The following ZNF823 variants were observed in gnomAD, a reference collection of about 807,000 sequenced individuals.
The protein encoded by ZNF823 is zinc finger protein 823, also known as ZFP 36 for a zinc finger protein.
In ZNF823, 5 loss-of-function variants were observed where a neutral mutation model predicts 11.4. That is an observed-to-expected ratio of 0.44 (90% CI 0.23 to 0.92). The LOEUF (loss-of-function observed/expected upper bound fraction) is 0.92. Ranked by LOEUF, ZNF823 falls within the 40% of genes least tolerant of loss-of-function variation. The pLI, the probability that ZNF823 is intolerant of heterozygous loss-of-function variation, is 0.24. For synonymous variants in ZNF823, 234 were observed against 250.5 expected, an observed-to-expected ratio of 0.93 and a Z score of 0.62; for missense variants, 582 against 738.5, an observed-to-expected ratio of 0.79 and a Z score of 2.46.
chr19:11,738,474 G>A (rs1026109307), intron 1 of ZNF823, among the ~76,000 whole-genome samples: 1 of 152,264 alleles, frequency 6.6e-6, no homozygotes, highest in African/African-American at 2.4e-5. Context: ...TTCTGCTGCA[G>A]CCTTCGGCGT....
At chr19:11,735,839 A>G (rs1035963559) in intron 1 of ZNF823, among the ~76,000 whole-genome samples, 11 of 152,224 alleles carry the variant, frequency 7.2e-5, no homozygotes, top group Admixed American at 1.3e-4. Context: ...TCTATATTTT[A>G]TAGCTTAATA....
intron 1 of ZNF823, among the ~76,000 whole-genome samples, chr19:11,731,851 A>G (rs1343935834): frequency 6.6e-6 from 1 of 151,900 alleles, no homozygotes; most frequent in East Asian, 1.9e-4. Context: ...CTCTACTAAA[A>G]ATGCAAAATT....
Position 11,722,281 on chromosome 19 carries a change from C to T in ZNF823, c.1253G>A (p.Cys418Tyr), listed in dbSNP as rs766675187. The change falls in exon 4 of 4, where the codon TGT becomes TAT. Residue 418 changes from cysteine (C) to tyrosine (Y), a missense_variant. By Grantham distance (194) the Cys-to-Tyr change is radical. Coordinates refer to ENST00000341191, the MANE Select transcript of ZNF823 (RefSeq NM_001080493.4). The surrounding 1 kb of genome is among the most constrained non-coding windows in gnomAD (Gnocchi z 5.2). ...ACTGAAGGCTTTACCACATTGTTTACATTGATAGGGTTTCTCTCCAGTGTG... is the reference window on the plus strand; with the variant it reads ...ACTGAAGGCTTTACCACATTGTTTATATTGATAGGGTTTCTCTCCAGTGTG... ...RTHTGEKPYQ[C>Y]KQCGKAFSLA... The T allele has an allele frequency of 1.5e-5, 24 of 1,614,008 alleles. No homozygotes were observed. The highest frequency in any genetic ancestry group is 1.7e-6 in the Non-Finnish European group (2 of 1,179,996).
chr19:11,723,216 G>C lies in ZNF823; in HGVS notation c.318C>G (p.Val106=). Reference sequence around the variant, plus strand: ...AATTAAGAGACGAATGACCCAAGACGACTTCTCCACACTCACCACTGTCAC... The same window carrying C: ...AATTAAGAGACGAATGACCCAAGACCACTTCTCCACACTCACCACTGTCAC... ...NPCDSGECGE[V]VLGHSSLNCN... is the part of the protein sequence containing the mutation. Residue 106 remains valine, a synonymous_variant, in exon 4 of 4, where the codon GTC becomes GTG. Coordinates refer to ENST00000341191, the MANE Select transcript of ZNF823 (RefSeq NM_001080493.4). 6.2e-7 allele frequency: 1 copy of C among 1,614,092 alleles called. No individual in the cohort carries two copies. Among genetic ancestry groups the C allele is most frequent in the Non-Finnish European group, 8.5e-7 (1 of 1,180,000 alleles).
chr19:11,729,705 C>T (rs1322440724), intron 1 of ZNF823, among the ~76,000 whole-genome samples: 5 of 152,096 alleles, frequency 3.3e-5, no homozygotes, highest in Admixed American at 1.3e-4. Flanking sequence ...CAGTGGCTAT[C>T]TTGGTAGTAA....
chr19:11,738,886 TG>T lies in ZNF823; in HGVS notation c.-68del, dbSNP rs1975046067. The T allele has an allele frequency of 1.3e-6, 2 of 1,572,414 alleles. No homozygotes were observed. Among genetic ancestry groups the T allele is most frequent in the South Asian group, 2.3e-5 (2 of 85,712 alleles). On this transcript the variant is annotated 5_prime_UTR_variant, in exon 1 of 4. Transcript: ENST00000341191. ...GTGTGGGTCCCAGCGCGACAGACGC[TG>T]ATACAGACCTTCCAGGGCGTCTCTC... is the stretch of plus-strand genomic sequence containing the variant.
chr19:11,726,798 A>G (rs1291595508), intron 1 of ZNF823, among the ~76,000 whole-genome samples: 1 of 152,240 alleles, frequency 6.6e-6, no homozygotes, highest in African/African-American at 2.4e-5. Flanking sequence ...AACCAGACTA[A>G]GACAGTTATG....
chr19:11,731,292 A>G (rs1974889871), intron 1 of ZNF823, among the ~76,000 whole-genome samples: 1 of 152,124 alleles, frequency 6.6e-6, no homozygotes, highest in African/African-American at 2.4e-5. Flanking sequence ...AGCCTGGGCA[A>G]TAACAAGAGC....
At chr19:11,723,928 C>T (rs968775994) in intron 3 of ZNF823, among the ~76,000 whole-genome samples, 4 of 151,998 alleles carry the variant, frequency 2.6e-5, no homozygotes, top group African/African-American at 7.3e-5. Context: ...ATATGTTCCT[C>T]GGGAAAATTT....
At chr19:11,730,087 C>A (rs1238542137) in intron 1 of ZNF823, among the ~76,000 whole-genome samples, 3 of 152,072 alleles carry the variant, frequency 2.0e-5, no homozygotes, top group Non-Finnish European at 4.4e-5. Context: ...TGCCATCATG[C>A]CCAGCTAATT....
chr19:11,732,220 A>C (rs1217574606), intron 1 of ZNF823, among the ~76,000 whole-genome samples: 1 of 139,446 alleles, frequency 7.2e-6, no homozygotes, highest in Non-Finnish European at 1.5e-5. Context: ...GCTGGAGTGC[A>C]GTGGTATGAT....
In ZNF823 at chr19:11,725,184, G is replaced by GA; in HGVS notation, c.130+16dup. ...ATGTCTCTAATTGACTAAGTGAAGA[G>GA]ATGATGTCATCCTTACCTATACAGT... is the stretch of plus-strand genomic sequence containing the variant. On this transcript the variant is annotated intron_variant, in intron 2 of 3. Transcript: ENST00000341191. 1 of 1,605,626 alleles carries GA rather than the reference G, an allele frequency of 6.2e-7. No homozygotes were observed.
At chr19:11,723,805 A>ACC (rs1401742945) in intron 3 of ZNF823, among the ~76,000 whole-genome samples, 5 of 152,218 alleles carry the variant, frequency 3.3e-5, no homozygotes, top group African/African-American at 9.7e-5. Context: ...TTGGCCTCCT[A>ACC]AAGTGCTGGG....
intron 1 of ZNF823, among the ~76,000 whole-genome samples, chr19:11,732,523 T>C (rs1028781593): frequency 6.0e-5 from 9 of 150,898 alleles, no homozygotes; most frequent in African/African-American, 1.5e-4. Context: ...ATGGTCTCGA[T>C]CTCCAGACCT....
Position 11,723,139 on chromosome 19 carries a change from C to T in ZNF823, c.395G>A (p.Gly132Glu). 1 of 1,614,168 alleles carries T rather than the reference C, an allele frequency of 6.2e-7. No homozygotes were observed. Residue 132 changes from glycine (G) to glutamate (E), a missense_variant, in exon 4 of 4, where the codon GGA (glycine) becomes GAA (glutamate). Gly to Glu is a moderately conservative substitution (Grantham distance 98, BLOSUM62 -2). This residue lies in a region of ZNF823 where 429 missense variants were observed against 553.7 expected (regional missense o/e 0.77). Transcript: ENST00000341191. ...GHKSCEHQEY[G>E]EKPYTHKQRG... ...TTGTTTATGTGTATATGGCTTCTCT[C>T]CATATTCCTGATGCTCACATGATTT...
In ZNF823 at chr19:11,738,921, C is replaced by G; in HGVS notation, c.-102G>C. The G allele has an allele frequency of 6.9e-7, 1 of 1,452,968 alleles. No homozygotes were observed. The highest frequency in any genetic ancestry group is 9.2e-7 in the Non-Finnish European group (1 of 1,083,874). The allele number at this position is 1,452,968 out of a possible 1,614,324, so 90.0% of individuals were successfully genotyped here. ...CTTCCAGGGCGTCTCTCTCTCAGCG[C>G]CAGAGCCAGGACTCAGAGCGCAGGG... is the stretch of plus-strand genomic sequence containing the variant. On this transcript the variant is annotated 5_prime_UTR_variant, in exon 1 of 4. Coordinates refer to ENST00000341191, the MANE Select transcript of ZNF823 (RefSeq NM_001080493.4).
intron 1 of ZNF823, among the ~76,000 whole-genome samples, chr19:11,732,017 A>C (rs1974905643): frequency 6.6e-6 from 1 of 152,050 alleles, no homozygotes; most frequent in Non-Finnish European, 1.5e-5. Flanking sequence ...CTCAAAAAAA[A>C]AAAAAAAAAA....
At position 11,723,310 on chromosome 19, in the gene ZNF823, T is replaced by G; in HGVS notation, c.224A>C (p.Gln75Pro). 1 of 1,612,612 alleles carries G rather than the reference T, an allele frequency of 6.2e-7. No individual in the cohort carries two copies. Among genetic ancestry groups the G allele is most frequent in the Non-Finnish European group, 8.5e-7 (1 of 1,179,206 alleles). The change falls in exon 4 of 4, where the codon CAA (glutamine) becomes CCA (proline). Residue 75 changes from glutamine to proline, a missense_variant. This residue lies in a region of ZNF823 where 429 missense variants were observed against 553.7 expected (regional missense o/e 0.77). Coordinates refer to ENST00000341191, the MANE Select transcript of ZNF823 (RefSeq NM_001080493.4). ...AATCTGGCCAAAAGTTTCTCCACAT[T>G]GACTGTCATCTTTAATTTCACATGT... ...SHTCEIKDDS[Q>P]CGETFGQIPD... is the part of the protein sequence containing the mutation.
Position 11,722,212 on chromosome 19 carries a change from A to T in ZNF823, c.1322T>A (p.Val441Glu), listed in dbSNP as rs201739691. The T allele has an allele frequency of 8.8e-4, 1,418 of 1,612,400 alleles. 1 individual carries two copies. The highest frequency in any genetic ancestry group is 1.7e-3 in the Admixed American group (102 of 59,872). The change falls in exon 4 of 4, where the codon GTG becomes GAG. Residue 441 changes from valine to glutamate, a missense_variant. Val to Glu is a moderately radical substitution (Grantham distance 121). Coordinates refer to ENST00000341191, the MANE Select transcript of ZNF823 (RefSeq NM_001080493.4). The surrounding 1 kb of genome is among the most constrained non-coding windows in gnomAD (Gnocchi z 5.2). ...LRRHEATHTG[V>E]KPYKCQCGKA... Reference sequence around the variant, plus strand: ...CCCACACTGACATTTATAGGGTTTCACTCCAGTGTGAGTTGCTTCATGTCT... The same window carrying T: ...CCCACACTGACATTTATAGGGTTTCTCTCCAGTGTGAGTTGCTTCATGTCT...
Sources: gnomAD v4.1 joint callset for allele counts (sites outside exome capture counted in the v4.1 genomes callset) on GRCh38, gnomAD v4.1.1 for gene constraint, gnomAD v4.1.1 regional missense constraint, Gnocchi (gnomAD v3.1) non-coding constraint, MANE v1.5 for transcripts, NCBI Gene and HGNC (gene_info 2026-07-23, HGNC 2026-07-21) for gene names.